The following RALGAPA2 variants were observed in gnomAD, a reference collection of about 807,000 sequenced individuals.
The protein encoded by RALGAPA2 is ral GTPase-activating protein subunit alpha-2.
In RALGAPA2, 139 loss-of-function variants were observed where a neutral mutation model predicts 230.4. That is an observed-to-expected ratio of 0.60 (90% confidence interval 0.53 to 0.69). The LOEUF (loss-of-function observed/expected upper bound fraction) is 0.69. Ranked by LOEUF, RALGAPA2 falls within the 30% of genes least tolerant of loss-of-function variation. The pLI is 0.00. For synonymous variants in RALGAPA2, 847 were observed against 837.8 expected (o/e 1.01, Z -0.19); for missense variants, 2,163 against 2,276.0 (o/e 0.95, Z 1.01).
At chr20:20,518,973 T>C (rs768927727) in intron 31 of RALGAPA2, among the ~76,000 whole-genome samples, 9 of 152,174 alleles carry the variant, frequency 5.9e-5, no homozygotes, top group Non-Finnish European at 1.2e-4. Flanking sequence ...AAGCAGACAT[T>C]GCAGTTGACA....
chr20:20,555,772 T>C (rs991407560), intron 23 of RALGAPA2, among the ~76,000 whole-genome samples: 6 of 152,216 alleles, frequency 3.9e-5, no homozygotes, highest in African/African-American at 1.4e-4. Context: ...TCTTACATAA[T>C]TTATTAGTTC....
At chr20:20,700,266 G>C (rs2069297424) in intron 1 of RALGAPA2, among the ~76,000 whole-genome samples, 1 of 151,992 alleles carries the variant, frequency 6.6e-6, no homozygotes, top group African/African-American at 2.4e-5. Flanking sequence ...CAAGCACAAG[G>C]GGACATGGCA....
chr20:20,465,066 A>C (rs201284618), intron 37 of RALGAPA2, among the ~76,000 whole-genome samples: 74 of 151,580 alleles, frequency 4.9e-4, no homozygotes, highest in Non-Finnish European at 9.9e-4. Context: ...CATTTTATAA[A>C]ATATGATTTA....
intron 37 of RALGAPA2, among the ~76,000 whole-genome samples, chr20:20,469,948 T>C (rs1024460377): frequency 2.6e-5 from 4 of 152,166 alleles, no homozygotes; most frequent in African/African-American, 9.7e-5. Context: ...CAAATTTGAT[T>C]TAGCCTGCAG....
chr20:20,598,264 G>A (rs889770576), intron 16 of RALGAPA2, among the ~76,000 whole-genome samples: 5 of 152,040 alleles, frequency 3.3e-5, no homozygotes, highest in African/African-American at 9.7e-5. Flanking sequence ...AGTAGATCCC[G>A]CCTACATACA....
At chr20:20,462,252 T>C (rs1471733590) in intron 37 of RALGAPA2, among the ~76,000 whole-genome samples, 2 of 151,940 alleles carry the variant, frequency 1.3e-5, no homozygotes, top group Non-Finnish European at 2.9e-5. Flanking sequence ...CACCCAAGAG[T>C]TGGCTATTTA....
chr20:20,563,650 G>A (rs2145856120), intron 23 of RALGAPA2, among the ~76,000 whole-genome samples: 1 of 152,300 alleles, frequency 6.6e-6, no homozygotes, highest in African/African-American at 2.4e-5. Flanking sequence ...GAAACTTACA[G>A]TCCCTTTATC....
chr20:20,613,262 C>A (rs2146297083), intron 13 of RALGAPA2, among the ~76,000 whole-genome samples: 1 of 152,318 alleles, frequency 6.6e-6, no homozygotes, highest in South Asian at 2.1e-4. Flanking sequence ...TCTGTTGGAG[C>A]ACATGGAATG....
chr20:20,566,997 A>G (rs1212347443), intron 23 of RALGAPA2, among the ~76,000 whole-genome samples: 1 of 152,262 alleles, frequency 6.6e-6, no homozygotes, highest in East Asian at 1.9e-4. Flanking sequence ...CAAAATGTCT[A>G]TATGCATATT....
At position 20,605,406 on chromosome 20, in the gene RALGAPA2, T is replaced by C. The variant is rs371490407; in HGVS notation, c.1807A>G (p.Met603Val). Residue 603 changes from methionine to valine, a missense_variant, in exon 15 of 40, where the codon ATG becomes GTG. Physicochemically the swap from Met to Val is conservative, Grantham distance 21. Transcript: ENST00000202677. ...SLAGLLFRTL[M>V]VAWIRANLCV... Reference sequence around the variant, plus strand: ...AGGTTTGCTCGGATCCAAGCTACCATGAGCGTCTAAAACCAACCAACCAAC... The same window carrying C: ...AGGTTTGCTCGGATCCAAGCTACCACGAGCGTCTAAAACCAACCAACCAAC... 6.2e-7 allele frequency: 1 copy of C among 1,612,770 alleles called. No individual in the cohort carries two copies. Among genetic ancestry groups the C allele is most frequent in the Non-Finnish European group, 8.5e-7 (1 of 1,178,884 alleles).
At chr20:20,578,704 G>C (rs1006593854) in intron 20 of RALGAPA2, among the ~76,000 whole-genome samples, 4 of 152,058 alleles carry the variant, frequency 2.6e-5, no homozygotes, top group African/African-American at 9.7e-5. Flanking sequence ...TTTTCCTTTT[G>C]ATTTGAAAAC....
chr20:20,480,227 T>A lies in RALGAPA2; in HGVS notation c.5368-7271A>T, dbSNP rs150673755. Among the ~76,000 whole-genome samples, 18 of 152,300 alleles carry A rather than the reference T, an allele frequency of 1.2e-4. No individual in the cohort carries two copies. In the East Asian group the frequency reaches 3.5e-3, roughly 29 times the overall value. On this transcript the variant is annotated intron_variant, in intron 36 of 39. Coordinates refer to ENST00000202677, the MANE Select transcript of RALGAPA2 (RefSeq NM_020343.4). ...TTCTAAGACATTTGTAGAAATGAAA[T>A]TGGCTAAAAAAAGCCAAAGAAGAAC... is the stretch of plus-strand genomic sequence containing the variant.
At chr20:20,495,065 A>G in intron 36 of RALGAPA2, 52 bp downstream of exon 36, 6 of 1,431,028 alleles carry the variant, frequency 4.2e-6, no homozygotes, top group Non-Finnish European at 5.7e-6. Context: ...ATGACAATGA[A>G]TCACATGGCA....
rs1243414188 is a variant in RALGAPA2 at position 20,635,515 on chromosome 20, A to G, written c.908T>C (p.Phe303Ser). The G allele has an allele frequency of 6.3e-7, 1 of 1,596,530 alleles. No homozygotes were observed. Among genetic ancestry groups the G allele is most frequent in the Non-Finnish European group, 8.5e-7 (1 of 1,172,996 alleles). ...KIPYMAARVV[F>S]IKWIVTFFLE... Reference sequence around the variant, plus strand: ...AAAGAAGGTTACAATCCACTTAATAAAAACAACACGAGCTGCCATATATGG... The same window carrying G: ...AAAGAAGGTTACAATCCACTTAATAGAAACAACACGAGCTGCCATATATGG... Residue 303 changes from phenylalanine (F) to serine (S), a missense_variant, in exon 9 of 40, where the codon TTT becomes TCT. Transcript: ENST00000202677.
chr20:20,396,197 T>C (rs1413410816), intron 39 of RALGAPA2, among the ~76,000 whole-genome samples: 1 of 152,184 alleles, frequency 6.6e-6, no homozygotes, highest in Non-Finnish European at 1.5e-5. Context: ...TCCCGCAGCT[T>C]TTGTCCGCTT....
rs1285467482 is a variant in RALGAPA2 at position 20,586,236 on chromosome 20, C to A, written c.2440-1281G>T. 2.0e-5 allele frequency among the ~76,000 whole-genome samples: 3 copies of A among 152,200 alleles called. No homozygotes were observed. In the East Asian group the frequency reaches 5.8e-4, roughly 29 times the overall value. ...AAACTTCCAAGAAATCTACCTTCAA[C>A]CCTTAAAAGTGAGCAGAAACCAGGG... On this transcript the variant is annotated intron_variant, in intron 18 of 39. Coordinates refer to ENST00000202677, the MANE Select transcript of RALGAPA2 (RefSeq NM_020343.4).
In RALGAPA2 at chr20:20,620,455, A is replaced by T. The variant is rs1357380631; in HGVS notation, c.1401+8T>A. The T allele has an allele frequency of 1.2e-6, 2 of 1,612,244 alleles. No homozygotes were observed. Among genetic ancestry groups the T allele is most frequent in the African/African-American group, 2.7e-5 (2 of 74,740 alleles). The stretch of plus-strand genomic sequence containing the variant: ...CCCTCAACTCAAAAGACAAGTGAAA[A>T]AAATTACCTCCTTGCTATCAGTCTC... On this transcript the variant is annotated splice_region_variant and intron_variant, in intron 11 of 39. Coordinates refer to ENST00000202677, the MANE Select transcript of RALGAPA2 (RefSeq NM_020343.4).
intron 1 of RALGAPA2, among the ~76,000 whole-genome samples, chr20:20,700,951 G>T (rs73298826): frequency 0.011 from 1,692 of 152,310 alleles, 28 homozygotes; most frequent in African/African-American, 0.039. Context: ...CAACTCCCCA[G>T]TAGACTTAGA....
intron 3 of RALGAPA2, among the ~76,000 whole-genome samples, chr20:20,670,050 C>A (rs929170218): frequency 3.9e-5 from 6 of 152,194 alleles, no homozygotes; most frequent in Admixed American, 1.3e-4. Context: ...AAGGTCATTA[C>A]TGGAGCTCTG....
Sources: allele counts gnomAD v4.1 joint callset (sites outside exome capture counted in the v4.1 genomes callset), GRCh38; gene constraint gnomAD v4.1.1; transcripts MANE v1.5; gene names NCBI Gene and HGNC (gene_info 2026-07-23, HGNC 2026-07-21).